The following CBFA2T3 variants were observed in gnomAD, a reference collection of about 807,000 sequenced individuals.
The protein encoded by CBFA2T3 is CBFA2/RUNX1 partner transcriptional co-repressor 3, also known as transcriptional corepressor CBFA2T3.
Under a neutral mutation model 58.6 loss-of-function variants are expected in CBFA2T3, and 31 were observed. The ratio of observed to expected loss-of-function variants is 0.53; its 90% CI spans 0.40 to 0.71. CBFA2T3 has a LOEUF of 0.71. Ranked by LOEUF, CBFA2T3 falls within the 30% of genes least tolerant of loss-of-function variation. The pLI is 0.00. For synonymous variants in CBFA2T3, 531 were observed against 421.9 expected (o/e 1.26, Z -3.17); for missense variants, 1,076 against 963.1 (o/e 1.12, Z -1.55).
At chr16:88,965,140 C>T (rs1972470509) in intron 1 of CBFA2T3, among the ~76,000 whole-genome samples, 1 of 147,822 alleles carries the variant, frequency 6.8e-6, no homozygotes, top group Non-Finnish European at 1.5e-5. Context: ...CCCACCCACA[C>T]ATCCATCCAT....
intron 1 of CBFA2T3, among the ~76,000 whole-genome samples, chr16:88,931,802 G>A (rs185938759): frequency 6.6e-6 from 1 of 152,176 alleles, no homozygotes; most frequent in Non-Finnish European, 1.5e-5. Context: ...GTGGTCCCCA[G>A]TGAGCCCTGG....
chr16:88,906,021 T>C (rs1970316629), intron 1 of CBFA2T3, among the ~76,000 whole-genome samples: 1 of 151,914 alleles, frequency 6.6e-6, no homozygotes, highest in Admixed American at 6.5e-5. Flanking sequence ...TCTGTCCATT[T>C]CCTTGCCTCT....
chr16:88,964,149 T>C (rs770194066), intron 1 of CBFA2T3, among the ~76,000 whole-genome samples: 2 of 152,214 alleles, frequency 1.3e-5, no homozygotes, highest in Non-Finnish European at 2.9e-5. Flanking sequence ...ACCTTCCAGA[T>C]TGTTCTGCAA....
intron 1 of CBFA2T3, chr16:88,941,029 G>T: frequency 1.0e-5 from 10 of 984,864 alleles, no homozygotes; most frequent in Non-Finnish European, 1.2e-5. Context: ...CGGTCGGGGG[G>T]TCCGGGGGAT....
At chr16:88,921,089 C>A (rs2911450) in intron 1 of CBFA2T3, among the ~76,000 whole-genome samples, 45,709 of 152,214 alleles carry the variant, frequency 0.3, 7,087 homozygotes, top group Middle Eastern at 0.44. Context: ...CCAGGCAAGG[C>A]CTGCCCGGCT....
chr16:88,894,556 G>C (rs1201250285), intron 3 of CBFA2T3, among the ~76,000 whole-genome samples: 1 of 134,652 alleles, frequency 7.4e-6, no homozygotes, highest in African/African-American at 2.9e-5. Context: ...GTACACACAT[G>C]CACACACACA....
At chr16:88,925,110 C>T (rs557767324) in intron 1 of CBFA2T3, among the ~76,000 whole-genome samples, 9 of 152,254 alleles carry the variant, frequency 5.9e-5, no homozygotes, top group Non-Finnish European at 1.2e-4. Context: ...GCAACGGCCT[C>T]GTCCTGGACA....
chr16:88,915,671 T>C (rs1408232983), intron 1 of CBFA2T3, among the ~76,000 whole-genome samples: 6 of 16,706 alleles, frequency 3.6e-4, no homozygotes, highest in African/African-American at 1.0e-3. Context: ...GACGGGGGAG[T>C]GTGGAGGGGG....
At chr16:88,969,920 C>A (rs978534116) in intron 1 of CBFA2T3, among the ~76,000 whole-genome samples, 85 of 152,358 alleles carry the variant, frequency 5.6e-4, no homozygotes, top group African/African-American at 2.0e-3. Flanking sequence ...AAAATGAGCC[C>A]CAGAAGCTGT....
At chr16:88,925,192 G>C (rs1264798164) in intron 1 of CBFA2T3, among the ~76,000 whole-genome samples, 2 of 152,240 alleles carry the variant, frequency 1.3e-5, no homozygotes, top group African/African-American at 4.8e-5. Flanking sequence ...GCCCTGCCCG[G>C]ATTGGTCCTC....
chr16:88,925,738 C>T (rs1349960503), intron 1 of CBFA2T3, among the ~76,000 whole-genome samples: 2 of 152,202 alleles, frequency 1.3e-5, no homozygotes, highest in Admixed American at 1.3e-4. Flanking sequence ...GCCGGGAGCC[C>T]CTGCGTGTGT....
At chr16:88,919,432 T>C (rs1348910824) in intron 1 of CBFA2T3, among the ~76,000 whole-genome samples, 1 of 152,228 alleles carries the variant, frequency 6.6e-6, no homozygotes, top group African/African-American at 2.4e-5. Flanking sequence ...TCAAGTGCTA[T>C]TTCTTTGCAG....
chr16:88,960,321 C>T (rs1201512963), intron 1 of CBFA2T3, among the ~76,000 whole-genome samples: 3 of 152,204 alleles, frequency 2.0e-5, no homozygotes, highest in African/African-American at 4.8e-5. Context: ...GCTGAACTCA[C>T]GGGGCCAGGT....
chr16:88,926,807 C>G (rs1198630745), intron 1 of CBFA2T3, among the ~76,000 whole-genome samples: 1 of 152,216 alleles, frequency 6.6e-6, no homozygotes, highest in African/African-American at 2.4e-5. Flanking sequence ...CCTCGGTGCA[C>G]CGTGGGCTCC....
intron 1 of CBFA2T3, among the ~76,000 whole-genome samples, chr16:88,925,366 A>G (rs1298341977): frequency 2.6e-5 from 4 of 152,126 alleles, no homozygotes; most frequent in Non-Finnish European, 5.9e-5. Flanking sequence ...CTCATCCACC[A>G]GGCGCTCTCA....
chr16:88,924,583 G>A (rs909380627), intron 1 of CBFA2T3, among the ~76,000 whole-genome samples: 9 of 152,142 alleles, frequency 5.9e-5, no homozygotes, highest in Non-Finnish European at 1.3e-4. Context: ...GTGGGGCCTC[G>A]AAGCAGCTGG....
Position 88,917,672 on chromosome 16 carries a change from T to C in CBFA2T3, c.152-16016A>G, listed in dbSNP as rs1970781147. ...TGCCGGTGTGGACGCTAAGGAATAATTAGGGTCTGGCGGCTCATGGTGCCC... is the reference window on the plus strand; with the variant it reads ...TGCCGGTGTGGACGCTAAGGAATAACTAGGGTCTGGCGGCTCATGGTGCCC... On this transcript the variant is annotated intron_variant, in intron 1 of 11. Coordinates refer to ENST00000268679, the MANE Select transcript of CBFA2T3 (RefSeq NM_005187.6). 2.0e-5 allele frequency among the ~76,000 whole-genome samples: 3 copies of C among 152,268 alleles called. No homozygotes were observed. The South Asian group carries it at 6.2e-4, about 32-fold the overall frequency.
intron 1 of CBFA2T3, 109 bp downstream of exon 1, chr16:88,976,548 C>A (rs1972866082): frequency 5.0e-6 from 4 of 795,104 alleles, no homozygotes; most frequent in African/African-American, 1.7e-5. Context: ...TCCGTGCCGG[C>A]ACTGTCAACT....
intron 7 of CBFA2T3, chr16:88,883,347 C>G (rs889693024): frequency 5.8e-5 from 9 of 155,664 alleles, no homozygotes; most frequent in African/African-American, 2.2e-4. Flanking sequence ...CACCCAACCA[C>G]GTGGCCTCGG....
Sources: gnomAD v4.1 joint callset for allele counts (sites outside exome capture counted in the v4.1 genomes callset) on GRCh38, gnomAD v4.1.1 for gene constraint, MANE v1.5 for transcripts, NCBI Gene and HGNC (gene_info 2026-07-23, HGNC 2026-07-21) for gene names.